PARD3B: variants seen among roughly 807,000 people sequenced by gnomAD.
The protein encoded by PARD3B is partitioning defective 3 homolog B.
PARD3B carries 103 observed loss-of-function variants against 130.2 expected under a neutral mutation model. That is an observed-to-expected ratio of 0.79 (90% CI 0.67 to 0.93). The LOEUF is 0.93. Among genes scored for constraint, PARD3B ranks in the 40% least tolerant of loss-of-function variants. The probability of loss-of-function intolerance (pLI) is 0.00; values close to 1 mark genes in which losing one functional copy is unlikely to be tolerated. For synonymous variants in PARD3B, 583 were observed against 553.2 expected (o/e 1.05, Z -0.76); for missense variants, 1,609 against 1,499.2 (o/e 1.07, Z -1.21).
chr2:205,376,682 A>G (rs2045067397), intron 18 of PARD3B, among the ~76,000 whole-genome samples: 1 of 152,170 alleles, frequency 6.6e-6, no homozygotes, highest in Non-Finnish European at 1.5e-5. Context: ...TAAAATCCGG[A>G]ATCACTGCCA....
intron 1 of PARD3B, among the ~76,000 whole-genome samples, chr2:204,556,325 C>T (rs2030920079): frequency 6.6e-6 from 1 of 152,134 alleles, no homozygotes; most frequent in South Asian, 2.1e-4. Flanking sequence ...ACTCACATGT[C>T]TAGTGCCTCA....
At chr2:205,100,154 G>A in intron 4 of PARD3B, among the ~76,000 whole-genome samples, 1 of 152,030 alleles carries the variant, frequency 6.6e-6, no homozygotes, top group Non-Finnish European at 1.5e-5. Flanking sequence ...CTTGCGTAAT[G>A]TTGATTTGAG....
chr2:205,294,504 A>G (rs1030653968), intron 16 of PARD3B, among the ~76,000 whole-genome samples: 1 of 152,228 alleles, frequency 6.6e-6, no homozygotes, highest in African/African-American at 2.4e-5. Context: ...AAATTAAAGT[A>G]TATAGCAATA....
intron 2 of PARD3B, among the ~76,000 whole-genome samples, chr2:204,757,256 A>G (rs1574906741): frequency 6.6e-6 from 1 of 152,004 alleles, no homozygotes; most frequent in South Asian, 2.1e-4. Context: ...AGAATGATTT[A>G]TTTTCCTTTG....
At chr2:205,109,137 A>T (rs1703442877) in intron 5 of PARD3B, among the ~76,000 whole-genome samples, 1 of 152,218 alleles carries the variant, frequency 6.6e-6, no homozygotes. Context: ...AATTCAAGTG[A>T]AGTAAGTGGA....
intron 19 of PARD3B, among the ~76,000 whole-genome samples, chr2:205,428,230 C>T (rs1250003909): frequency 7.9e-5 from 12 of 152,040 alleles, no homozygotes; most frequent in Admixed American, 4.6e-4. Context: ...CAAAAAATTA[C>T]GAAAATTAGC....
intron 15 of PARD3B, among the ~76,000 whole-genome samples, chr2:205,216,949 C>T (rs1346367644): frequency 3.3e-5 from 5 of 152,162 alleles, no homozygotes; most frequent in East Asian, 3.9e-4. Flanking sequence ...CTTTCTGGCT[C>T]TCGCACCCAT....
At chr2:205,497,912 C>T (rs913050595) in intron 20 of PARD3B, among the ~76,000 whole-genome samples, 1 of 151,968 alleles carries the variant, frequency 6.6e-6, no homozygotes, top group Non-Finnish European at 1.5e-5. Flanking sequence ...TGTAATGGCT[C>T]ATGCCTGTAA....
At chr2:205,068,835 T>C (rs1039497512) in intron 4 of PARD3B, among the ~76,000 whole-genome samples, 1 of 152,166 alleles carries the variant, frequency 6.6e-6, no homozygotes, top group African/African-American at 2.4e-5. Flanking sequence ...CATATGACTC[T>C]GTACCCATTG....
chr2:204,547,116 G>T (rs938506070), intron 1 of PARD3B, among the ~76,000 whole-genome samples: 1 of 152,174 alleles, frequency 6.6e-6, no homozygotes, highest in Non-Finnish European at 1.5e-5. Context: ...AAAATAGTGG[G>T]TTGGTCAATC....
intron 4 of PARD3B, among the ~76,000 whole-genome samples, chr2:205,052,303 C>G (rs1699243384): frequency 6.6e-6 from 1 of 151,328 alleles, no homozygotes; most frequent in Admixed American, 6.6e-5. Context: ...AATTATAATA[C>G]TGTGGTTGTT....
intron 22 of PARD3B, among the ~76,000 whole-genome samples, chr2:205,605,823 G>C (rs368324488): frequency 1.3e-5 from 2 of 152,292 alleles, no homozygotes; most frequent in East Asian, 3.9e-4. Context: ...CAGACTGCCC[G>C]GATTCCTCAG....
At chr2:204,924,242 A>G (rs1687412874) in intron 2 of PARD3B, among the ~76,000 whole-genome samples, 1 of 152,026 alleles carries the variant, frequency 6.6e-6, no homozygotes, top group Non-Finnish European at 1.5e-5. Context: ...ATAACATAGA[A>G]CTAAAACATC....
chr2:204,938,365 A>G (rs1444185844), intron 2 of PARD3B, among the ~76,000 whole-genome samples: 1 of 152,186 alleles, frequency 6.6e-6, no homozygotes, highest in African/African-American at 2.4e-5. Flanking sequence ...TGTAAGCCCT[A>G]AAGCCTCAGC....
chr2:205,130,413 G>C (rs550051987), intron 10 of PARD3B, among the ~76,000 whole-genome samples: 1 of 152,136 alleles, frequency 6.6e-6, no homozygotes, highest in African/African-American at 2.4e-5. Flanking sequence ...AGATAAAGCC[G>C]TATTTCCACT....
At chr2:204,861,400 T>TG (rs1483051879) in intron 2 of PARD3B, among the ~76,000 whole-genome samples, 5 of 152,174 alleles carry the variant, frequency 3.3e-5, no homozygotes, top group African/African-American at 1.2e-4. Context: ...AAATTTAAAG[T>TG]GGAAATGTAT....
At chr2:205,092,690 A>G (rs1160625720) in intron 4 of PARD3B, among the ~76,000 whole-genome samples, 1 of 152,118 alleles carries the variant, frequency 6.6e-6, no homozygotes, top group East Asian at 1.9e-4. Flanking sequence ...AGATTTTCTG[A>G]GATGGTGGGC....
At position 205,558,496 on chromosome 2, in the gene PARD3B, G is replaced by A. The variant is rs1376112841; in HGVS notation, c.3260+5093G>A. ...CTCTTGTATGTCAGAGAAAAACAAA[G>A]ACCCTTGGCTCAACCCTCCTTTTCC... On this transcript the variant is annotated intron_variant, in intron 22 of 22. Transcript: ENST00000406610. This position sits in a 1 kb window ranked among gnomAD's most constrained non-coding sequence, Gnocchi z 4.8. 6.6e-6 allele frequency among the ~76,000 whole-genome samples: 1 copy of A among 152,102 alleles called. No individual in the cohort carries two copies. The highest frequency in any genetic ancestry group is 2.4e-5 in the African/African-American group (1 of 41,420).
intron 2 of PARD3B, among the ~76,000 whole-genome samples, chr2:204,846,776 G>A (rs984318621): frequency 2.0e-5 from 3 of 151,290 alleles, no homozygotes; most frequent in African/African-American, 7.3e-5. Context: ...TTGGATGAAT[G>A]CATTGCCTTC....
Sources: gnomAD v4.1 joint callset for allele counts (sites outside exome capture counted in the v4.1 genomes callset) on GRCh38, gnomAD v4.1.1 for gene constraint, Gnocchi (gnomAD v3.1) non-coding constraint, MANE v1.5 for transcripts, NCBI Gene and HGNC (gene_info 2026-07-23, HGNC 2026-07-21) for gene names.